MTBP: variants seen among roughly 807,000 people sequenced by gnomAD.
The protein encoded by MTBP is mdm2-binding protein.
MTBP carries 101 observed loss-of-function variants against 117.0 expected under a neutral mutation model. That is an observed-to-expected ratio of 0.86 (90% CI 0.73 to 1.02). The LOEUF is 1.02. MTBP is among the 50% of genes least tolerant of loss of function. The pLI is 0.00. For missense variants in MTBP, 970 were observed against 1,030.9 expected (o/e 0.94, Z 0.81); for synonymous variants, 350 against 351.5 (o/e 1.00, Z 0.05).
intron 15 of MTBP, among the ~76,000 whole-genome samples, chr8:120,504,982 TATTA>T (rs1814661701): frequency 6.6e-6 from 1 of 152,138 alleles, no homozygotes; most frequent in South Asian, 2.1e-4. Flanking sequence ...ACTGTAAGGA[TATTA>T]ATTAGAATTT....
At chr8:120,479,602 G>A (rs1814028144) in intron 11 of MTBP, among the ~76,000 whole-genome samples, 2 of 152,062 alleles carry the variant, frequency 1.3e-5, no homozygotes, top group South Asian at 4.1e-4. Context: ...TCCACTAAAT[G>A]AATCTCAGTA....
At chr8:120,518,968 ATACTT>A (rs1422738363) in intron 20 of MTBP, 151 bp downstream of exon 20, 1 of 550,660 alleles carries the variant, frequency 1.8e-6, no homozygotes, top group East Asian at 2.9e-5. Flanking sequence ...TGAAGCCAAA[ATACTT>A]TATATTTGAT....
intron 10 of MTBP, among the ~76,000 whole-genome samples, chr8:120,465,725 T>A (rs989846146): frequency 3.5e-5 from 5 of 143,878 alleles, no homozygotes; most frequent in African/African-American, 1.3e-4. Flanking sequence ...AGTGGCGCGA[T>A]CTCAGCTCAC....
rs1724671981 is a variant in MTBP, at chr8:120,516,082, G to A, written c.2137G>A (p.Asp713Asn). The A allele has an allele frequency of 6.2e-7, 1 of 1,612,982 alleles. No individual in the cohort carries two copies. Among genetic ancestry groups the A allele is most frequent in the African/African-American group, 1.3e-5 (1 of 74,862 alleles). ...SPLPSPVVSS[D>N]PGSVPDGEVL... ...TCTTCCATCTCCTGTAGTTTCGTCAGATCCTGGAAGTGTCCCTGACGGAGA... is the reference window on the plus strand; with the variant it reads ...TCTTCCATCTCCTGTAGTTTCGTCAAATCCTGGAAGTGTCCCTGACGGAGA... The change falls in exon 18 of 22, where the codon GAT (aspartate) becomes AAT (asparagine). Residue 713 changes from aspartate to asparagine, a missense_variant. Coordinates refer to ENST00000305949, the MANE Select transcript of MTBP (RefSeq NM_022045.5).
At chr8:120,520,661 A>G (rs1284721953) in intron 20 of MTBP, among the ~76,000 whole-genome samples, 2 of 152,172 alleles carry the variant, frequency 1.3e-5, no homozygotes, top group Non-Finnish European at 2.9e-5. Context: ...TTCCCAGGAA[A>G]TAATCTAGTT....
chr8:120,513,290 G>A (rs1188331061), intron 17 of MTBP, among the ~76,000 whole-genome samples: 1 of 152,044 alleles, frequency 6.6e-6, no homozygotes, highest in South Asian at 2.1e-4. Flanking sequence ...GCAGTATTTT[G>A]TGTATTTCTT....
chr8:120,487,227 T>C (rs1289964953), intron 11 of MTBP, among the ~76,000 whole-genome samples: 1 of 152,180 alleles, frequency 6.6e-6, no homozygotes. Flanking sequence ...TCAAACTCTG[T>C]TCCTATTCCA....
intron 14 of MTBP, among the ~76,000 whole-genome samples, chr8:120,498,332 T>C (rs1814512343): frequency 6.6e-6 from 1 of 152,210 alleles, no homozygotes; most frequent in African/African-American, 2.4e-5. Flanking sequence ...TGTTTTATCA[T>C]TATCATCACC....
chr8:120,492,553 G>T (rs1814367540), intron 13 of MTBP, among the ~76,000 whole-genome samples: 1 of 152,052 alleles, frequency 6.6e-6, no homozygotes, highest in African/African-American at 2.4e-5. Context: ...AGTGTTTACA[G>T]AAAAACAAAA....
chr8:120,479,091 G>A (rs544542427), intron 11 of MTBP, among the ~76,000 whole-genome samples: 1 of 152,274 alleles, frequency 6.6e-6, no homozygotes, highest in Non-Finnish European at 1.5e-5. Context: ...CACAAATGGA[G>A]GCTAAACCCT....
At chr8:120,480,243 A>AAC (rs1037142415) in intron 11 of MTBP, among the ~76,000 whole-genome samples, 71 of 151,330 alleles carry the variant, frequency 4.7e-4, no homozygotes, top group Admixed American at 1.7e-3. Context: ...TACAAAAAAA[A>AAC]AAAAACAAAA....
At chr8:120,451,994 T>G (rs1311996436) in intron 4 of MTBP, 1 of 152,246 alleles carries the variant, frequency 6.6e-6, no homozygotes, top group African/African-American at 2.4e-5. Context: ...TGTGACTTCT[T>G]TAATTTATGT....
At chr8:120,518,142 G>A in intron 19 of MTBP, 42 bp downstream of exon 19, 1 of 1,519,276 alleles carries the variant, frequency 6.6e-7, no homozygotes, top group Non-Finnish European at 8.9e-7. Context: ...TACATAGGAA[G>A]ACTTTTTAAA....
intron 17 of MTBP, among the ~76,000 whole-genome samples, chr8:120,511,190 C>T (rs1814800355): frequency 6.6e-6 from 1 of 152,150 alleles, no homozygotes; most frequent in South Asian, 2.1e-4. Context: ...CTCCCTTTAA[C>T]ATGAAAAAGG....
At chr8:120,488,483 A>G (rs1814266880) in intron 12 of MTBP, 151 bp downstream of exon 12, 1 of 609,120 alleles carries the variant, frequency 1.6e-6, no homozygotes, top group East Asian at 3.5e-5. Context: ...TTTATTTAAA[A>G]CATATTATGA....
rs969385467 is a variant in MTBP, at chr8:120,506,788, A to G, written c.1810A>G (p.Lys604Glu). Residue 604 changes from lysine (K) to glutamate (E), a missense_variant, in exon 16 of 22, where the codon AAA becomes GAA. Transcript: ENST00000305949. ...GGACTCAATCACATTGTTGGATGCT[A>G]AAGAATTGCTGAAGTACTTTACCTC... is the stretch of plus-strand genomic sequence containing the variant. ...PRDSITLLDA[K>E]ELLKYFTSDG... The G allele has an allele frequency of 1.2e-6, 2 of 1,613,510 alleles. No individual in the cohort carries two copies. Among genetic ancestry groups the G allele is most frequent in the Non-Finnish European group, 1.7e-6 (2 of 1,179,660 alleles).
Position 120,517,912 on chromosome 8 carries a change from T to TATC in MTBP, c.2317_2319dup (p.His773dup), listed in dbSNP as rs1814948040. 6.2e-7 allele frequency: 1 copy of TATC among 1,611,436 alleles called. No homozygotes were observed. Among genetic ancestry groups the TATC allele is most frequent in the Admixed American group, 1.7e-5 (1 of 59,892 alleles). On this transcript the variant is annotated inframe_insertion, in exon 19 of 22. Coordinates refer to ENST00000305949, the MANE Select transcript of MTBP (RefSeq NM_022045.5). ...TCAGACAACTGGTAATAGTAATCAC[T>TATC]ATCATCATCATGTGACATCCAGAAA...
In MTBP at chr8:120,461,148, AT is replaced by A; in HGVS notation, c.883-10del. On this transcript the variant is annotated splice_polypyrimidine_tract_variant and intron_variant, in intron 8 of 21. Transcript: ENST00000305949. ...GGTATTTAAATATTACACAATTTTA[AT>A]TTCTTTTCTAGGTTTTCCATTATTA... The A allele has an allele frequency of 6.6e-7, 1 of 1,521,498 alleles. No homozygotes were observed. The highest frequency in any genetic ancestry group is 9.1e-7 in the Non-Finnish European group (1 of 1,099,412). The allele number at this position is 1,521,498 out of a possible 1,614,324, so 94.2% of individuals were successfully genotyped here.
At chr8:120,502,781 G>A (rs1814612408) in intron 15 of MTBP, among the ~76,000 whole-genome samples, 172 bp downstream of exon 15, 1 of 152,190 alleles carries the variant, frequency 6.6e-6, no homozygotes. Context: ...TCAATTAAAA[G>A]GGAAGGGCTC....
Sources: allele counts gnomAD v4.1 joint callset (sites outside exome capture counted in the v4.1 genomes callset), GRCh38; gene constraint gnomAD v4.1.1; transcripts MANE v1.5; gene names NCBI Gene and HGNC (gene_info 2026-07-23, HGNC 2026-07-21).